Variants in JAM3 observed in about 807,000 individuals in gnomAD.
JAM3 encodes the protein junctional adhesion molecule 3.
Under a neutral mutation model 39.4 loss-of-function variants are expected in JAM3, and 31 were observed. The observed-to-expected ratio is 0.79, with a 90% CI of 0.59 to 1.06. The LOEUF (loss-of-function observed/expected upper bound fraction) is 1.06. JAM3 is among the 50% of genes least tolerant of loss of function. The probability of loss-of-function intolerance (pLI) is 0.00; values close to 1 mark genes in which losing one functional copy is unlikely to be tolerated. For synonymous variants in JAM3, 182 were observed against 148.7 expected (o/e 1.22, Z -1.63); for missense variants, 455 against 391.4 (o/e 1.16, Z -1.37).
intron 1 of JAM3, among the ~76,000 whole-genome samples, chr11:134,097,126 G>A (rs1004928318): frequency 2.0e-5 from 3 of 151,940 alleles, no homozygotes; most frequent in Non-Finnish European, 1.5e-5. Context: ...CCCATCCCCC[G>A]CATCCCATCA....
chr11:134,149,686 T>C lies in JAM3; in HGVS notation c.*505T>C, dbSNP rs751284805. On this transcript the variant is annotated 3_prime_UTR_variant, in exon 9 of 9. Transcript: ENST00000299106. ...CCACAGACACCACCGCAGTTTCTTC[T>C]TAAAGGCTCTGCTGATCGGTGTTGC... The C allele has an allele frequency of 6.6e-6, 3 of 456,684 alleles. No homozygotes were observed. The highest frequency in any genetic ancestry group is 1.3e-5 in the Non-Finnish European group (3 of 227,310). 28.3% of individuals were successfully genotyped at this position (456,684 alleles called of 1,614,324 possible).
intron 1 of JAM3, among the ~76,000 whole-genome samples, chr11:134,093,241 A>G (rs1226413748): frequency 7.5e-6 from 1 of 133,888 alleles, no homozygotes; most frequent in Non-Finnish European, 1.6e-5. Flanking sequence ...TCCGTCTTAC[A>G]TGTCACTTCC....
At position 134,084,512 on chromosome 11, in the gene JAM3, AAATT is replaced by A. The variant is rs200406064; in HGVS notation, c.76+15362_76+15365del. On this transcript the variant is annotated intron_variant, in intron 1 of 8. Coordinates refer to ENST00000299106, the MANE Select transcript of JAM3 (RefSeq NM_032801.5). ...AACACAAATTAAAATTAATACAGTCAAATTAATTAATTCATGTGAAGTGCTTAGC... is the reference window on the plus strand; with the variant it reads ...AACACAAATTAAAATTAATACAGTCAAATTAATTCATGTGAAGTGCTTAGC... Among the ~76,000 whole-genome samples, 1,483 of 152,206 alleles carry A rather than the reference AAATT, an allele frequency of 9.7e-3. 22 individuals are homozygous for A. The highest frequency in any genetic ancestry group is 0.03 in the African/African-American group (1,247 of 41,442).
At chr11:134,122,374 A>G (rs1942550689) in intron 1 of JAM3, among the ~76,000 whole-genome samples, 1 of 152,218 alleles carries the variant, frequency 6.6e-6, no homozygotes, top group Non-Finnish European at 1.5e-5. Context: ...AAATAGTGCA[A>G]GAGCCCCTGA....
chr11:134,108,554 A>G (rs1025109072), intron 1 of JAM3, among the ~76,000 whole-genome samples: 1 of 152,238 alleles, frequency 6.6e-6, no homozygotes, highest in African/African-American at 2.4e-5. Flanking sequence ...CAATCATAAA[A>G]AAGACCAAGT....
Position 134,139,754 on chromosome 11 carries a change from C to A in JAM3, c.77-97C>A, listed in dbSNP as rs567016410. The A allele has an allele frequency of 4.4e-6, 4 of 914,894 alleles. No individual in the cohort carries two copies. In the South Asian group the frequency reaches 5.2e-5, roughly 12 times the overall value. 56.7% of individuals were successfully genotyped at this position (914,894 alleles called of 1,614,324 possible). ...TTTTTCCATCCTCTGTGGTTAGTAA[C>A]CATAGCCTACGCAGACGGGAAAACC... is the stretch of plus-strand genomic sequence containing the variant. On this transcript the variant is annotated intron_variant, in intron 1 of 8. Coordinates refer to ENST00000299106, the MANE Select transcript of JAM3 (RefSeq NM_032801.5).
At chr11:134,111,844 AAATT>A (rs1942317908) in intron 1 of JAM3, among the ~76,000 whole-genome samples, 2 of 152,206 alleles carry the variant, frequency 1.3e-5, no homozygotes, top group Non-Finnish European at 1.5e-5. Context: ...GTAGATCCAT[AAATT>A]AATAAGATAC....
intron 4 of JAM3, 107 bp from the exon 5 acceptor site, chr11:134,144,685 G>C: frequency 9.6e-7 from 1 of 1,045,840 alleles, no homozygotes; most frequent in South Asian, 1.3e-5. Flanking sequence ...AGTGGCGTGG[G>C]AACCCCTCGA....
rs1943052845 is a variant in JAM3 at position 134,145,334 on chromosome 11, A to C, written c.612+340A>C. 2.4e-5 allele frequency: 10 copies of C among 421,526 alleles called. No individual in the cohort carries two copies. The Middle Eastern group carries it at 5.1e-3, about 217-fold the overall frequency. 26.1% of individuals were successfully genotyped at this position (421,526 alleles called of 1,614,324 possible). The stretch of plus-strand genomic sequence containing the variant: ...GGTGGTATTTGATGATCTATTAAGC[A>C]ACTGTTCATTGCTTTAGGCATGATG... On this transcript the variant is annotated intron_variant, in intron 5 of 8. Coordinates refer to ENST00000299106, the MANE Select transcript of JAM3 (RefSeq NM_032801.5).
intron 1 of JAM3, among the ~76,000 whole-genome samples, chr11:134,073,880 C>G (rs1406187202): frequency 6.6e-6 from 1 of 152,116 alleles, no homozygotes. Flanking sequence ...TGTGTCGAGG[C>G]ATTTTTAAAA....
chr11:134,139,993 C>T (rs1227423002), intron 2 of JAM3, 77 bp downstream of exon 2: 7 of 1,131,568 alleles, frequency 6.2e-6, no homozygotes, highest in Non-Finnish European at 8.0e-6. Flanking sequence ...ACTCAGGACA[C>T]ATCTGTCTCT....
intron 6 of JAM3, chr11:134,148,313 T>C: frequency 1.7e-6 from 1 of 579,278 alleles, no homozygotes; most frequent in Non-Finnish European, 3.1e-6. Flanking sequence ...TCAGTGCGAC[T>C]GCATTTCAAC....
intron 1 of JAM3, among the ~76,000 whole-genome samples, chr11:134,119,094 AT>A (rs796216013): frequency 5.3e-4 from 74 of 139,428 alleles, no homozygotes; most frequent in Admixed American, 6.5e-4. Flanking sequence ...TAATTTTTGT[AT>A]TTTTTTTTTT....
intron 1 of JAM3, among the ~76,000 whole-genome samples, chr11:134,076,014 CTT>C (rs1485755351): frequency 1.4e-5 from 2 of 146,892 alleles, no homozygotes; most frequent in South Asian, 4.2e-4. Flanking sequence ...CTGTATCTAA[CTT>C]ATTATTGATA....
intron 3 of JAM3, among the ~76,000 whole-genome samples, chr11:134,142,438 T>G (rs1285720004): frequency 1.3e-5 from 2 of 152,324 alleles, no homozygotes; most frequent in African/African-American, 4.8e-5. Flanking sequence ...GAAGCATCTT[T>G]TAGTGTGCTG....
chr11:134,116,216 GATGTT>G (rs1485725880), intron 1 of JAM3, among the ~76,000 whole-genome samples: 3 of 152,166 alleles, frequency 2.0e-5, no homozygotes, highest in African/African-American at 7.2e-5. Flanking sequence ...CGGTGGATAA[GATGTT>G]ATGAGGCTAT....
intron 5 of JAM3, 69 bp downstream of exon 5, chr11:134,145,063 G>T: frequency 7.8e-7 from 1 of 1,282,796 alleles, no homozygotes; most frequent in Non-Finnish European, 1.1e-6. Flanking sequence ...ATTGTGAAAA[G>T]AAGATTAGGA....
intron 1 of JAM3, among the ~76,000 whole-genome samples, chr11:134,085,320 A>T (rs1249580768): frequency 1.3e-5 from 2 of 152,220 alleles, no homozygotes; most frequent in East Asian, 3.8e-4. Flanking sequence ...ATTAAATTTT[A>T]AAATTAACCA....
intron 1 of JAM3, among the ~76,000 whole-genome samples, chr11:134,079,931 C>T (rs1010851049): frequency 7.2e-5 from 11 of 152,128 alleles, no homozygotes; most frequent in African/African-American, 2.4e-4. Flanking sequence ...CTTCCTCTAT[C>T]GAGAGAGGTT....
Sources: allele counts gnomAD v4.1 joint callset (sites outside exome capture counted in the v4.1 genomes callset), GRCh38; gene constraint gnomAD v4.1.1; transcripts MANE v1.5; gene names NCBI Gene and HGNC (gene_info 2026-07-23, HGNC 2026-07-21).